The following NASP variants were observed in gnomAD, a reference collection of about 807,000 sequenced individuals.
NASP encodes the protein nuclear autoantigenic sperm protein.
NASP carries 24 observed loss-of-function variants against 89.5 expected under a neutral mutation model. The observed-to-expected ratio is 0.27, with a 90% CI of 0.19 to 0.38. The LOEUF is 0.38. NASP is among the 10% of genes least tolerant of loss of function. The probability of loss-of-function intolerance (pLI) is 1.00; values close to 1 mark genes in which losing one functional copy is unlikely to be tolerated. For synonymous variants in NASP, 306 were observed against 324.7 expected (o/e 0.94, Z 0.62); for missense variants, 848 against 921.4 (o/e 0.92, Z 1.03).
At position 45,618,127 on chromosome 1, in the gene NASP, A is replaced by G. The variant is rs919595514; in HGVS notation, c.2353A>G (p.Ser785Gly). 1.9e-6 allele frequency: 3 copies of G among 1,595,830 alleles called. No homozygotes were observed. Among genetic ancestry groups the G allele is most frequent in the Admixed American group, 3.5e-5 (2 of 57,484 alleles). Residue 785 changes from serine (S) to glycine (G), a missense_variant, in exon 15 of 15, where the codon AGC (serine) becomes GGC (glycine). By Grantham distance (56) the Ser-to-Gly change is moderately conservative (BLOSUM62 0). Transcript: ENST00000350030. ...GTVEAGATVE[S>G]TAC Reference sequence around the variant, plus strand: ...AGTGGAGGCTGGAGCTACAGTTGAAAGCACTGCATGTTAAGAGGGGGCACA... The same window carrying G: ...AGTGGAGGCTGGAGCTACAGTTGAAGGCACTGCATGTTAAGAGGGGGCACA...
At chr1:45,590,184 C>T (rs1643497115) in intron 1 of NASP, among the ~76,000 whole-genome samples, 1 of 152,140 alleles carries the variant, frequency 6.6e-6, no homozygotes, top group African/African-American at 2.4e-5. Flanking sequence ...TTTTTTCCAA[C>T]TATACAAGTA....
chr1:45,586,013 G>A (rs1314177862), intron 1 of NASP, among the ~76,000 whole-genome samples: 1 of 152,224 alleles, frequency 6.6e-6, no homozygotes, highest in Non-Finnish European at 1.5e-5. Flanking sequence ...TGTCTAGCCA[G>A]AGTTAGGTCA....
chr1:45,601,934 A>G (rs1643857618), intron 2 of NASP, among the ~76,000 whole-genome samples: 1 of 151,598 alleles, frequency 6.6e-6, no homozygotes, highest in Non-Finnish European at 1.5e-5. Context: ...TTGTATTTTT[A>G]GTAGAGACGG....
Position 45,613,191 on chromosome 1 carries a change from T to G in NASP, c.1449T>G (p.Asp483Glu), listed in dbSNP as rs779479745. 9 of 1,609,700 alleles carry G rather than the reference T, an allele frequency of 5.6e-6. No individual in the cohort carries two copies. In the South Asian group the frequency reaches 1.0e-4, roughly 18 times the overall value. Residue 483 changes from aspartate to glutamate, a missense_variant, in exon 7 of 15, where the codon GAT (aspartate) becomes GAG (glutamate). Physicochemically the swap from Asp to Glu is conservative, Grantham distance 45. Coordinates refer to ENST00000350030, the MANE Select transcript of NASP (RefSeq NM_002482.4). ...TAGAAACTGAAGGCTCAGAAGAGGA[T>G]GATAAAGAAAATGATAAGACCGAAG... is the stretch of plus-strand genomic sequence containing the variant. ...EGEETEGSEE[D>E]DKENDKTEEM...
intron 2 of NASP, among the ~76,000 whole-genome samples, chr1:45,596,513 C>G (rs1461489308): frequency 6.6e-6 from 1 of 152,218 alleles, no homozygotes; most frequent in Non-Finnish European, 1.5e-5. Flanking sequence ...TCTTAACGTT[C>G]ATCCATGTTG....
At chr1:45,590,682 CTT>C (rs386366869) in intron 1 of NASP, among the ~76,000 whole-genome samples, 172 of 107,188 alleles carry the variant, frequency 1.6e-3, no homozygotes, top group South Asian at 8.8e-3. Context: ...CATAGTGTAA[CTT>C]TTTTTTTTTT....
intron 1 of NASP, among the ~76,000 whole-genome samples, chr1:45,586,978 A>G (rs1035078577): frequency 3.3e-5 from 5 of 152,106 alleles, no homozygotes; most frequent in Non-Finnish European, 7.3e-5. Flanking sequence ...GACTACAGGC[A>G]TGCATCACCT....
At chr1:45,586,298 T>TGTGTGTGTGTGTGTGTGTGTGTGGG (rs1644547744) in intron 1 of NASP, among the ~76,000 whole-genome samples, 1 of 96,566 alleles carries the variant, frequency 1.0e-5, no homozygotes, top group South Asian at 3.2e-4. Flanking sequence ...TGTGTGTGTG[T>TGTGTGTGTGTGTGTGTGTGTGTGGG]GTGTGTGTGT....
At chr1:45,614,943 G>A in intron 9 of NASP, 70 bp from the exon 10 acceptor site, 1 of 1,326,688 alleles carries the variant, frequency 7.5e-7, no homozygotes, top group Non-Finnish European at 1.0e-6. Context: ...CCATAGGATG[G>A]GTCTGAATTC....
At chr1:45,589,977 TC>T (rs1643490775) in intron 1 of NASP, among the ~76,000 whole-genome samples, 1 of 152,162 alleles carries the variant, frequency 6.6e-6, no homozygotes, top group East Asian at 1.9e-4. Flanking sequence ...TTTATTCTGA[TC>T]CAGTAGTCCT....
chr1:45,613,046 C>G, intron 6 of NASP, 123 bp from the exon 7 acceptor site: 8 of 1,347,792 alleles, frequency 5.9e-6, no homozygotes, highest in African/African-American at 1.5e-5. Flanking sequence ...CAGGTGTTAA[C>G]TCACTTGGAT....
intron 1 of NASP, 85 bp downstream of exon 1, chr1:45,584,290 G>T: frequency 7.6e-7 from 1 of 1,312,804 alleles, no homozygotes; most frequent in South Asian, 1.3e-5. Context: ...GGGGCAGACC[G>T]GTGGGCGGGA....
At chr1:45,591,528 A>AT (rs1643548596) in intron 2 of NASP, among the ~76,000 whole-genome samples, 1 of 151,852 alleles carries the variant, frequency 6.6e-6, no homozygotes, top group Admixed American at 6.6e-5. Flanking sequence ...TCATTTTTAA[A>AT]TTTTTTGGAG....
At chr1:45,588,957 GTGTTTGTTTGTTTGTT>G (rs56181355) in intron 1 of NASP, 1 of 160,920 alleles carries the variant, frequency 6.2e-6, no homozygotes, top group Non-Finnish European at 1.4e-5. Flanking sequence ...AGGTGGTCAA[GTGTTTGTTTGTTTGTT>G]TGTTTGTTTG....
In NASP at chr1:45,608,300, G is replaced by T. The variant is rs930367852; in HGVS notation, c.1389G>T (p.Glu463Asp). ...AAGTTCAGATAGCTGCTAATGAAGAGACACAAGAGAGAGAAGAACAGATGA... is the reference window on the plus strand; with the variant it reads ...AAGTTCAGATAGCTGCTAATGAAGATACACAAGAGAGAGAAGAACAGATGA... ...EDKVQIAANE[E>D]TQEREEQMKE... Residue 463 changes from glutamate to aspartate, a missense_variant, in exon 6 of 15, where the codon GAG becomes GAT. Around this residue, in one of 5 missense-constraint regions of NASP, gnomAD observed 464 missense variants for 469.4 expected, o/e 0.99. Transcript: ENST00000350030. 8 of 1,612,574 alleles carry T rather than the reference G, an allele frequency of 5.0e-6. No individual in the cohort carries two copies. The highest frequency in any genetic ancestry group is 5.1e-6 in the Non-Finnish European group (6 of 1,179,240).
chr1:45,609,484 A>T (rs1448383171), intron 6 of NASP: 1 of 138,340 alleles, frequency 7.2e-6, no homozygotes, highest in Non-Finnish European at 1.5e-5. Flanking sequence ...AAAAGCACAG[A>T]ACTAAATTCC....
In NASP at chr1:45,587,671, T is replaced by TATATATATATATATATAC. The variant is rs1448895794; in HGVS notation, c.59+3483_59+3484insCATATATATATATATATA. Among the ~76,000 whole-genome samples, 93 of 68,896 alleles carry TATATATATATATATATAC rather than the reference T, an allele frequency of 1.3e-3. 2 individuals carry two copies. Among genetic ancestry groups the TATATATATATATATATAC allele is most frequent in the African/African-American group, 5.0e-3 (87 of 17,394 alleles). 45.2% of individuals were successfully genotyped at this position (68,896 alleles called of 152,430 possible). ...TGTCTTGAGTTTTTTCATATATATA[T>TATATATATATATATATAC]ATATATATATATATATAATTAATTT... On this transcript the variant is annotated intron_variant, in intron 1 of 14. Transcript: ENST00000350030.
chr1:45,606,675 C>G lies in NASP; in HGVS notation c.409+84C>G, dbSNP rs367556434. 1.0e-4 allele frequency: 92 copies of G among 888,932 alleles called. No homozygotes were observed. The East Asian group carries it at 1.8e-3, about 17-fold the overall frequency. 55.1% of individuals were successfully genotyped at this position (888,932 alleles called of 1,614,324 possible). Reference sequence around the variant, plus strand: ...GTGGTGGAAACGGGGCTCTACCTGTCCTGGATGGTCTCTCCTAAGATGCTT... The same window carrying G: ...GTGGTGGAAACGGGGCTCTACCTGTGCTGGATGGTCTCTCCTAAGATGCTT... On this transcript the variant is annotated intron_variant, in intron 5 of 14. Transcript: ENST00000350030.
At chr1:45,611,436 G>C (rs942216047) in intron 6 of NASP, 1 of 148,570 alleles carries the variant, frequency 6.7e-6, no homozygotes, top group Non-Finnish European at 1.5e-5. Context: ...GCTAGGTTAA[G>C]GAGAAAGCCA....
Sources: gnomAD v4.1 joint callset for allele counts (sites outside exome capture counted in the v4.1 genomes callset) on GRCh38, gnomAD v4.1.1 for gene constraint, gnomAD v4.1.1 regional missense constraint, MANE v1.5 for transcripts, NCBI Gene and HGNC (gene_info 2026-07-23, HGNC 2026-07-21) for gene names.